Variants in MAML3 observed in about 807,000 individuals in gnomAD.
MAML3 encodes the protein mastermind-like protein 3.
Under a neutral mutation model 101.9 loss-of-function variants are expected in MAML3, and 27 were observed. That is an observed-to-expected ratio of 0.27 (90% CI 0.20 to 0.37). The LOEUF (loss-of-function observed/expected upper bound fraction) is 0.37, where lower values mean the gene tolerates loss of function less well. Ranked by LOEUF, MAML3 falls within the 10% of genes least tolerant of loss-of-function variation. The probability of loss-of-function intolerance (pLI) is 1.00; values close to 1 mark genes in which losing one functional copy is unlikely to be tolerated. For missense variants in MAML3, 1,316 were observed against 1,444.9 expected (o/e 0.91, Z 1.45); for synonymous variants, 501 against 555.9 (o/e 0.90, Z 1.39).
chr4:139,920,401 T>C (rs1176491936), intron 1 of MAML3, among the ~76,000 whole-genome samples: 1 of 152,208 alleles, frequency 6.6e-6, no homozygotes, highest in Non-Finnish European at 1.5e-5. Context: ...CTTCTGTGGA[T>C]GTGTGCAGGT....
chr4:139,917,103 C>A (rs994690671), intron 1 of MAML3, among the ~76,000 whole-genome samples: 4 of 152,030 alleles, frequency 2.6e-5, no homozygotes, highest in Non-Finnish European at 4.4e-5. Context: ...AAAGAAGGTC[C>A]AAAGCTTTTC....
In MAML3 at chr4:139,890,284, G is replaced by C. The variant is rs375901234; in HGVS notation, c.1152C>G (p.Pro384=). Residue 384 remains proline, a synonymous_variant, in exon 2 of 5, where the codon CCC becomes CCG. Transcript: ENST00000509479. This position sits in a 1 kb window ranked among gnomAD's most constrained non-coding sequence, Gnocchi z 4.1. ...PQARPSSSGP[P]FSTVSTATSL... is the part of the protein sequence containing the mutation. ...TAGTGGCCGTGGAGACAGTAGAAAAGGGAGGACCAGAAGAAGAAGGCCTCG... is the reference window on the plus strand; with the variant it reads ...TAGTGGCCGTGGAGACAGTAGAAAACGGAGGACCAGAAGAAGAAGGCCTCG... The C allele has an allele frequency of 3.7e-6, 6 of 1,613,934 alleles. No homozygotes were observed. Among genetic ancestry groups the C allele is most frequent in the Non-Finnish European group, 5.1e-6 (6 of 1,179,872 alleles).
intron 1 of MAML3, among the ~76,000 whole-genome samples, chr4:140,122,035 C>T (rs987321482): frequency 3.9e-5 from 6 of 152,140 alleles, no homozygotes; most frequent in African/African-American, 1.4e-4. Flanking sequence ...CTCCTTCCGC[C>T]ATGATTGTAA....
At chr4:139,826,297 T>A (rs1305091332) in intron 2 of MAML3, among the ~76,000 whole-genome samples, 1 of 151,980 alleles carries the variant, frequency 6.6e-6, no homozygotes, top group African/African-American at 2.4e-5. Flanking sequence ...GGAGTATCAG[T>A]GAAGGGTAGT....
chr4:140,058,347 C>T (rs1727388077), intron 1 of MAML3, among the ~76,000 whole-genome samples: 1 of 151,954 alleles, frequency 6.6e-6, no homozygotes, highest in African/African-American at 2.4e-5. Context: ...CCACCTCAGC[C>T]TCCCAATGTG....
At chr4:139,885,620 T>C (rs1732313048) in intron 2 of MAML3, among the ~76,000 whole-genome samples, 1 of 149,448 alleles carries the variant, frequency 6.7e-6, no homozygotes, top group Non-Finnish European at 1.5e-5. Flanking sequence ...TTCCAGAAGG[T>C]TTTAAAACAA....
chr4:140,034,439 T>A (rs1326084882), intron 1 of MAML3, among the ~76,000 whole-genome samples: 2 of 152,184 alleles, frequency 1.3e-5, no homozygotes, highest in African/African-American at 2.4e-5. Flanking sequence ...ACATATGGTA[T>A]GAGAAAGAAA....
chr4:139,934,548 C>T (rs1035320790), intron 1 of MAML3, among the ~76,000 whole-genome samples: 1 of 152,108 alleles, frequency 6.6e-6, no homozygotes, highest in Non-Finnish European at 1.5e-5. Context: ...CTCTCCATCA[C>T]CCCCTCAGAA....
At chr4:140,094,587 G>A (rs1417930046) in intron 1 of MAML3, among the ~76,000 whole-genome samples, 2 of 152,148 alleles carry the variant, frequency 1.3e-5, no homozygotes, top group East Asian at 3.9e-4. Context: ...TCATCACCCT[G>A]ACCCATCTCT....
chr4:139,761,881 T>C (rs1729767108), intron 2 of MAML3, among the ~76,000 whole-genome samples: 1 of 152,088 alleles, frequency 6.6e-6, no homozygotes, highest in African/African-American at 2.4e-5. Flanking sequence ...AATTGGTTAA[T>C]GTGTTAGAGG....
chr4:139,720,506 T>C (rs2110956391), intron 4 of MAML3, among the ~76,000 whole-genome samples, 183 bp from the exon 5 acceptor site: 1 of 152,292 alleles, frequency 6.6e-6, no homozygotes, highest in South Asian at 2.1e-4. Context: ...TGTGAAAATT[T>C]TGAAAGTGTT....
intron 2 of MAML3, among the ~76,000 whole-genome samples, chr4:139,733,889 T>A (rs1431358545): frequency 6.6e-6 from 1 of 152,186 alleles, no homozygotes; most frequent in Admixed American, 6.5e-5. Context: ...TTGTTGCCCA[T>A]CTGTGTTGCC....
At chr4:140,135,112 C>G (rs892964844) in intron 1 of MAML3, among the ~76,000 whole-genome samples, 6 of 152,188 alleles carry the variant, frequency 3.9e-5, no homozygotes, top group Non-Finnish European at 7.3e-5. Flanking sequence ...GCCAAGGAGA[C>G]CCCTCTGGAG....
chr4:140,002,887 C>T (rs1475100616), intron 1 of MAML3, among the ~76,000 whole-genome samples: 2 of 152,230 alleles, frequency 1.3e-5, no homozygotes, highest in African/African-American at 4.8e-5. Flanking sequence ...AAGGGACCTA[C>T]TTTACCAGCA....
At chr4:139,986,561 C>T (rs2110818101) in intron 1 of MAML3, among the ~76,000 whole-genome samples, 1 of 152,216 alleles carries the variant, frequency 6.6e-6, no homozygotes, top group East Asian at 1.9e-4. Flanking sequence ...TCCAATCAAC[C>T]TATCTCAAGT....
intron 2 of MAML3, among the ~76,000 whole-genome samples, chr4:139,847,235 A>G (rs950783809): frequency 6.6e-6 from 1 of 152,180 alleles, no homozygotes; most frequent in Admixed American, 6.5e-5. Flanking sequence ...AAAAATATAT[A>G]TATGGTTCTT....
chr4:140,121,146 G>C (rs1451594612), intron 1 of MAML3, among the ~76,000 whole-genome samples: 1 of 152,092 alleles, frequency 6.6e-6, no homozygotes, highest in Admixed American at 6.6e-5. Context: ...TCAATTTCTT[G>C]GCTTCTTAAA....
intron 1 of MAML3, among the ~76,000 whole-genome samples, chr4:140,150,076 C>G (rs573807432): frequency 6.6e-6 from 1 of 152,020 alleles, no homozygotes; most frequent in South Asian, 2.1e-4. Context: ...AAATACACTC[C>G]TATTCTGTAC....
intron 1 of MAML3, among the ~76,000 whole-genome samples, chr4:140,092,074 ACG>A (rs1491326579): frequency 6.0e-5 from 4 of 66,952 alleles, no homozygotes; most frequent in African/African-American, 1.5e-4. Flanking sequence ...ATATATATAT[ACG>A]TATATATATA....
Sources: allele counts gnomAD v4.1 joint callset (sites outside exome capture counted in the v4.1 genomes callset), GRCh38; gene constraint gnomAD v4.1.1; non-coding constraint Gnocchi (gnomAD v3.1); transcripts MANE v1.5; gene names NCBI Gene and HGNC (gene_info 2026-07-23, HGNC 2026-07-21).